The following SMAP1 variants were observed in gnomAD, a reference collection of about 807,000 sequenced individuals.
SMAP1 encodes stromal membrane-associated protein 1.
In SMAP1, 24 loss-of-function variants were observed where a neutral mutation model predicts 58.5. The ratio of observed to expected loss-of-function variants is 0.41; its 90% CI spans 0.30 to 0.58. The LOEUF (loss-of-function observed/expected upper bound fraction) is 0.58, where lower values mean the gene tolerates loss of function less well. Among genes scored for constraint, SMAP1 ranks in the 20% least tolerant of loss-of-function variants. The pLI is 0.29. For synonymous variants in SMAP1, 216 were observed against 196.6 expected, an observed-to-expected ratio of 1.10 and a Z score of -0.82; for missense variants, 563 against 566.3, an observed-to-expected ratio of 0.99 and a Z score of 0.06.
chr6:70,857,838 A>T, intron 9 of SMAP1, 84 bp from the exon 10 acceptor site: 1 of 1,495,674 alleles, frequency 6.7e-7, no homozygotes, highest in Non-Finnish European at 9.1e-7. Context: ...AGTAGTTCAG[A>T]AAGGCAATTT....
chr6:70,795,198 G>A (rs1768551145), intron 5 of SMAP1, among the ~76,000 whole-genome samples: 1 of 152,144 alleles, frequency 6.6e-6, no homozygotes, highest in African/African-American at 2.4e-5. Context: ...TCTCCCTCTA[G>A]TAAATGTAGC....
chr6:70,703,644 T>TAG lies in SMAP1; in HGVS notation c.119-28734_119-28733insAG, dbSNP rs1393131936. Among the ~76,000 whole-genome samples the TAG allele has an allele frequency of 2.8e-4, 43 of 152,328 alleles. No homozygotes were observed. In the South Asian group the frequency reaches 3.9e-3, roughly 14 times the overall value. ...TTCAAGTTAGTTTCCTCTAATTGTT[T>TAG]TGGGTGGGGTTTTCCCTACCTTCTG... On this transcript the variant is annotated intron_variant, in intron 1 of 10. Transcript: ENST00000370455.
At chr6:70,754,855 AAGG>A (rs1766419456) in intron 2 of SMAP1, 122 bp from the exon 3 acceptor site, 1 of 505,082 alleles carries the variant, frequency 2.0e-6, no homozygotes, top group South Asian at 3.3e-5. Context: ...TTATATTTCT[AAGG>A]AGAATATATA....
intron 2 of SMAP1, chr6:70,734,461 TA>T (rs1765545702): frequency 6.6e-6 from 1 of 152,378 alleles, no homozygotes. Context: ...TGTTTCTTTT[TA>T]AAAAATTGAG....
chr6:70,771,626 G>A (rs1035315277), intron 3 of SMAP1, among the ~76,000 whole-genome samples: 3 of 152,170 alleles, frequency 2.0e-5, no homozygotes, highest in African/African-American at 7.2e-5. Flanking sequence ...TGGGGTGGGA[G>A]TGACCCGATT....
chr6:70,676,281 A>G (rs1004830080), intron 1 of SMAP1, among the ~76,000 whole-genome samples: 1 of 152,186 alleles, frequency 6.6e-6, no homozygotes, highest in African/African-American at 2.4e-5. Context: ...GGGGAACTCA[A>G]AGCATAATTG....
intron 6 of SMAP1, among the ~76,000 whole-genome samples, chr6:70,821,243 T>C (rs1360048796): frequency 6.6e-6 from 1 of 152,234 alleles, no homozygotes; most frequent in Non-Finnish European, 1.5e-5. Flanking sequence ...ATGGATTCTT[T>C]TGCTGATCAT....
At chr6:70,754,840 T>C (rs557036905) in intron 2 of SMAP1, 140 bp from the exon 3 acceptor site, 5 of 494,054 alleles carry the variant, frequency 1.0e-5, no homozygotes, top group African/African-American at 1.9e-5. Context: ...TAGTTGTGAT[T>C]TAAATTATAT....
chr6:70,735,614 C>T lies in SMAP1; in HGVS notation c.252+3103C>T, dbSNP rs9455214. Among the ~76,000 whole-genome samples, 961 of 152,192 alleles carry T rather than the reference C, an allele frequency of 6.3e-3. 7 individuals are homozygous for T. Among genetic ancestry groups the T allele is most frequent in the African/African-American group, 0.022 (917 of 41,522 alleles). On this transcript the variant is annotated intron_variant, in intron 2 of 10. Coordinates refer to ENST00000370455, the MANE Select transcript of SMAP1 (RefSeq NM_001044305.3). ...CGAAGCCCCGTCTCTACTAAAAATACGAAAATTAGCAGGGTGTGGTAACAC... is the reference window on the plus strand; with the variant it reads ...CGAAGCCCCGTCTCTACTAAAAATATGAAAATTAGCAGGGTGTGGTAACAC...
At chr6:70,684,052 C>T (rs747727636) in intron 1 of SMAP1, among the ~76,000 whole-genome samples, 3 of 152,134 alleles carry the variant, frequency 2.0e-5, no homozygotes, top group Non-Finnish European at 4.4e-5. Context: ...TTAACCAAAC[C>T]GTTATCTATG....
At chr6:70,856,139 A>G (rs1479510217) in intron 8 of SMAP1, among the ~76,000 whole-genome samples, 1 of 152,230 alleles carries the variant, frequency 6.6e-6, no homozygotes, top group African/African-American at 2.4e-5. Context: ...TGTGAATGTG[A>G]TTTAATGTTT....
chr6:70,856,832 G>C, intron 8 of SMAP1, 27 bp from the exon 9 acceptor site: 2 of 1,570,036 alleles, frequency 1.3e-6, no homozygotes, highest in Non-Finnish European at 1.7e-6. Context: ...TGCAGAATTT[G>C]ATAGCTTATT....
At chr6:70,760,659 C>A (rs1223047806) in intron 3 of SMAP1, among the ~76,000 whole-genome samples, 1 of 152,004 alleles carries the variant, frequency 6.6e-6, no homozygotes, top group East Asian at 1.9e-4. Flanking sequence ...TTCTAAAGCT[C>A]ATTGCTCTTT....
intron 2 of SMAP1, among the ~76,000 whole-genome samples, chr6:70,753,091 T>C (rs536964880): frequency 5.1e-4 from 78 of 152,144 alleles, no homozygotes; most frequent in Middle Eastern, 3.4e-3. Context: ...CTACATTAAA[T>C]AGATATGTAC....
At chr6:70,672,969 A>T (rs547207752) in intron 1 of SMAP1, among the ~76,000 whole-genome samples, 2 of 152,140 alleles carry the variant, frequency 1.3e-5, no homozygotes, top group African/African-American at 4.8e-5. Flanking sequence ...TGGTAGTCTC[A>T]GGTCAGAGGA....
intron 2 of SMAP1, among the ~76,000 whole-genome samples, chr6:70,739,403 C>CT (rs955582428): frequency 6.6e-6 from 1 of 152,026 alleles, no homozygotes; most frequent in African/African-American, 2.4e-5. Flanking sequence ...AACTGGCTCA[C>CT]TTTATCTTTT....
chr6:70,681,450 A>C (rs1301760361), intron 1 of SMAP1, among the ~76,000 whole-genome samples: 1 of 152,116 alleles, frequency 6.6e-6, no homozygotes, highest in South Asian at 2.1e-4. Flanking sequence ...AAAAACATGC[A>C]AATATGTTGT....
rs1221286674 is a variant in SMAP1 at position 70,861,423 on chromosome 6, A to AGTT, written c.*1095_*1097dup. 1.0e-5 allele frequency: 5 copies of AGTT among 492,392 alleles called. No individual in the cohort carries two copies. Among genetic ancestry groups the AGTT allele is most frequent in the Admixed American group, 6.7e-5 (2 of 30,070 alleles). 30.5% of individuals were successfully genotyped at this position (492,392 alleles called of 1,614,324 possible). A position where few individuals can be genotyped will look rare whatever the true frequency, so the allele number is the denominator to read the frequency against. On this transcript the variant is annotated 3_prime_UTR_variant, in exon 11 of 11. Coordinates refer to ENST00000370455, the MANE Select transcript of SMAP1 (RefSeq NM_001044305.3). ...ACTGTACAAAAAAATCTTCCAATTT[A>AGTT]GTTGTTGTAGAGAAAACATGCAGAA...
chr6:70,765,722 CT>C (rs1562143457), intron 3 of SMAP1, among the ~76,000 whole-genome samples: 1 of 151,178 alleles, frequency 6.6e-6, no homozygotes, highest in Non-Finnish European at 1.5e-5. Flanking sequence ...ATTCACTTTT[CT>C]TTTTTTATTT....
Sources: gnomAD v4.1 joint callset for allele counts (sites outside exome capture counted in the v4.1 genomes callset) on GRCh38, gnomAD v4.1.1 for gene constraint, MANE v1.5 for transcripts, NCBI Gene and HGNC (gene_info 2026-07-23, HGNC 2026-07-21) for gene names.